Variants in PTPRD observed in about 807,000 individuals in gnomAD.
The protein encoded by PTPRD is receptor-type tyrosine-protein phosphatase delta.
A neutral mutation model predicts 214.5 loss-of-function variants in PTPRD; 34 were observed. The observed-to-expected ratio is 0.16, with a 90% CI of 0.12 to 0.21. The LOEUF is 0.21. Ranked by LOEUF, PTPRD falls within the 10% of genes least tolerant of loss-of-function variation. PTPRD has a pLI of 1.00. For missense variants in PTPRD, 2,545 were observed against 2,398.7 expected (o/e 1.06, Z -1.27); for synonymous variants, 1,128 against 845.7 (o/e 1.33, Z -5.79).
intron 2 of PTPRD, among the ~76,000 whole-genome samples, chr9:10,393,883 T>G (rs1266106718): frequency 6.7e-6 from 1 of 148,346 alleles, no homozygotes; most frequent in African/African-American, 2.5e-5. Context: ...ATGTGGCGAG[T>G]GACTAAATCC....
intron 8 of PTPRD, among the ~76,000 whole-genome samples, chr9:9,548,835 C>A (rs184719825): frequency 4.6e-5 from 7 of 151,940 alleles, no homozygotes; most frequent in East Asian, 1.9e-4. Context: ...AAATGTATAT[C>A]CCTTAAAAGA....
At chr9:8,443,305 C>A (rs572953974) in intron 34 of PTPRD, among the ~76,000 whole-genome samples, 1 of 152,242 alleles carries the variant, frequency 6.6e-6, no homozygotes, top group South Asian at 2.1e-4. Context: ...AAATTCCTTA[C>A]TGTATAAAAT....
chr9:9,110,709 A>G (rs1328915957), intron 10 of PTPRD, among the ~76,000 whole-genome samples: 1 of 152,136 alleles, frequency 6.6e-6, no homozygotes. Context: ...ACAGACCACC[A>G]TCAACTCAGC....
chr9:10,058,854 C>A (rs1280120142), intron 3 of PTPRD, among the ~76,000 whole-genome samples: 1 of 152,086 alleles, frequency 6.6e-6, no homozygotes, highest in Non-Finnish European at 1.5e-5. Flanking sequence ...AAATATTTAA[C>A]ATGCCTGTTG....
chr9:10,356,274 A>C (rs1286070964), intron 2 of PTPRD, among the ~76,000 whole-genome samples: 1 of 152,188 alleles, frequency 6.6e-6, no homozygotes, highest in Non-Finnish European at 1.5e-5. Flanking sequence ...TTATTTATCT[A>C]TCAGGAATTG....
chr9:9,810,958 C>G (rs2046950390), intron 5 of PTPRD, among the ~76,000 whole-genome samples: 1 of 151,772 alleles, frequency 6.6e-6, no homozygotes, highest in Admixed American at 6.6e-5. Flanking sequence ...CAGTTCGCGG[C>G]CAGGTGCACT....
chr9:10,244,024 G>A (rs1052362209), intron 3 of PTPRD, among the ~76,000 whole-genome samples: 2 of 104,370 alleles, frequency 1.9e-5, no homozygotes, highest in African/African-American at 5.5e-5. Context: ...TCACAGGTTT[G>A]GGAGGATTAA....
chr9:9,238,948 G>C (rs921364049), intron 9 of PTPRD, among the ~76,000 whole-genome samples: 2 of 152,056 alleles, frequency 1.3e-5, no homozygotes, highest in Non-Finnish European at 2.9e-5. Flanking sequence ...GTGGTCTTTG[G>C]AAACATTCAG....
intron 10 of PTPRD, among the ~76,000 whole-genome samples, chr9:9,148,275 A>G (rs1470432): frequency 0.3 from 45,245 of 152,064 alleles, 7,859 homozygotes; most frequent in Non-Finnish European, 0.39. Context: ...CAGAAAAATG[A>G]CATGGCAACC....
intron 37 of PTPRD, among the ~76,000 whole-genome samples, chr9:8,388,966 A>ATTCCTG (rs2088338969): frequency 6.9e-6 from 1 of 145,634 alleles, no homozygotes; most frequent in Non-Finnish European, 1.5e-5. Flanking sequence ...CAAGTTGTCT[A>ATTCCTG]TTCCTGTGAA....
At chr9:8,317,975 G>T (rs373484033) in intron 45 of PTPRD, 33 bp from the exon 46 acceptor site, 63 of 1,584,854 alleles carry the variant, frequency 4.0e-5, no homozygotes, top group Non-Finnish European at 5.3e-5. Flanking sequence ...AGAAGCAAAA[G>T]AAGGGACCAT....
At chr9:8,541,932 A>G (rs2078541274) in intron 14 of PTPRD, among the ~76,000 whole-genome samples, 1 of 152,156 alleles carries the variant, frequency 6.6e-6, no homozygotes, top group South Asian at 2.1e-4. Context: ...CTGGAAAATA[A>G]CCCAATCAAA....
At chr9:9,940,178 C>G (rs2091018639) in intron 4 of PTPRD, among the ~76,000 whole-genome samples, 1 of 152,088 alleles carries the variant, frequency 6.6e-6, no homozygotes, top group Admixed American at 6.6e-5. Flanking sequence ...ATCTAAGAGT[C>G]AGATATATAG....
chr9:10,072,911 T>C (rs1420115513), intron 3 of PTPRD, among the ~76,000 whole-genome samples: 1 of 152,142 alleles, frequency 6.6e-6, no homozygotes, highest in East Asian at 1.9e-4. Context: ...ATAACTTCCT[T>C]AAACTGGAAG....
chr9:9,845,027 T>C (rs2059156482), intron 5 of PTPRD, among the ~76,000 whole-genome samples: 1 of 146,188 alleles, frequency 6.8e-6, no homozygotes, highest in African/African-American at 2.5e-5. Flanking sequence ...TGTATATATA[T>C]ACTGCTATAT....
At chr9:8,682,296 A>G (rs547979252) in intron 12 of PTPRD, among the ~76,000 whole-genome samples, 1 of 152,230 alleles carries the variant, frequency 6.6e-6, no homozygotes, top group Non-Finnish European at 1.5e-5. Context: ...ACCGGGATAT[A>G]CCCATTCTTA....
intron 24 of PTPRD, among the ~76,000 whole-genome samples, 196 bp downstream of exon 24, chr9:8,500,558 G>GGA (rs2097373754): frequency 0.011 from 155 of 14,310 alleles, 5 homozygotes; most frequent in Non-Finnish European, 0.016. Flanking sequence ...TGAAAAAAAT[G>GGA]AAAAAAAAAA....
intron 27 of PTPRD, 72 bp downstream of exon 27, chr9:8,492,790 C>G: frequency 1.9e-6 from 2 of 1,062,428 alleles, no homozygotes. Context: ...TAAAAGCCTG[C>G]TAGAAGCTAC....
chr9:10,612,281 CAA>C (rs1190583100), intron 2 of PTPRD, 115 bp downstream of exon 2: 2 of 150,564 alleles, frequency 1.3e-5, no homozygotes, highest in African/African-American at 4.9e-5. Flanking sequence ...TTATATAAGT[CAA>C]GTTATTCCCA....
Sources: gnomAD v4.1 joint callset for allele counts (sites outside exome capture counted in the v4.1 genomes callset) on GRCh38, gnomAD v4.1.1 for gene constraint, MANE v1.5 for transcripts, NCBI Gene and HGNC (gene_info 2026-07-23, HGNC 2026-07-21) for gene names.